AGBL1: variants seen among roughly 807,000 people sequenced by gnomAD.
AGBL1 encodes AGBL carboxypeptidase 1.
Under a neutral mutation model 118.9 loss-of-function variants are expected in AGBL1, and 130 were observed. The ratio of observed to expected loss-of-function variants is 1.09; its 90% CI spans 0.95 to 1.26. The LOEUF (loss-of-function observed/expected upper bound fraction) is 1.26. Ranked by LOEUF, AGBL1 falls within the 50% of genes most tolerant of loss-of-function variation. The probability of loss-of-function intolerance (pLI) is 0.00; values close to 1 mark genes in which losing one functional copy is unlikely to be tolerated. For missense variants in AGBL1, 1,584 were observed against 1,298.1 expected, an observed-to-expected ratio of 1.22 and a Z score of -3.38; for synonymous variants, 555 against 478.9, an observed-to-expected ratio of 1.16 and a Z score of -2.08.
intron 1 of AGBL1, among the ~76,000 whole-genome samples, chr15:86,114,254 G>C (rs1209516090): frequency 6.6e-6 from 1 of 152,246 alleles, no homozygotes; most frequent in African/African-American, 2.4e-5. Flanking sequence ...CTGGCTATTT[G>C]ATAGTGGCTC....
Position 86,163,984 on chromosome 15 carries a change from A to G in AGBL1, c.488+4958A>G, listed in dbSNP as rs1303125257. Among the ~76,000 whole-genome samples, 4 of 152,222 alleles carry G rather than the reference A, an allele frequency of 2.6e-5. No homozygotes were observed. In the East Asian group the frequency reaches 7.7e-4, roughly 29 times the overall value. On this transcript the variant is annotated intron_variant, in intron 5 of 22. Coordinates refer to ENST00000614907, the MANE Select transcript of AGBL1 (RefSeq NM_001386094.1). ...AAGAGCTCTATTGCATGAGGGAATG[A>G]GGTGCCTTCTGGGAGAGAACTCATT...
chr15:86,943,358 T>C (rs1004353614), intron 23 of AGBL1, among the ~76,000 whole-genome samples: 1 of 152,014 alleles, frequency 6.6e-6, no homozygotes, highest in African/African-American at 2.4e-5. Context: ...TGGAAAAAAA[T>C]AAATTCACAA....
chr15:86,482,098 C>T (rs2082659999), intron 18 of AGBL1, among the ~76,000 whole-genome samples: 1 of 152,118 alleles, frequency 6.6e-6, no homozygotes, highest in African/African-American at 2.4e-5. Context: ...GCAATGTGTT[C>T]CTGACTTATA....
chr15:86,702,673 C>A (rs969526292), intron 22 of AGBL1, among the ~76,000 whole-genome samples: 4 of 152,116 alleles, frequency 2.6e-5, no homozygotes, highest in Non-Finnish European at 5.9e-5. Context: ...TTTCTCTCTC[C>A]ACCTTTAAAC....
chr15:86,225,430 G>A (rs947347714), intron 6 of AGBL1, among the ~76,000 whole-genome samples: 2 of 152,112 alleles, frequency 1.3e-5, no homozygotes, highest in African/African-American at 4.8e-5. Flanking sequence ...TATATTCTTG[G>A]GCAGGTGGAG....
At chr15:86,862,888 A>G (rs148160771) in intron 22 of AGBL1, among the ~76,000 whole-genome samples, 10 of 152,344 alleles carry the variant, frequency 6.6e-5, no homozygotes, top group Non-Finnish European at 1.3e-4. Context: ...AAAATGCACT[A>G]TGTAAGGAAA....
At chr15:86,737,369 G>T (rs2077617407) in intron 22 of AGBL1, among the ~76,000 whole-genome samples, 1 of 152,164 alleles carries the variant, frequency 6.6e-6, no homozygotes, top group Admixed American at 6.5e-5. Context: ...CATAACAATG[G>T]TGATTTATTC....
chr15:86,810,060 G>C (rs2078767624), intron 22 of AGBL1, among the ~76,000 whole-genome samples: 3 of 152,142 alleles, frequency 2.0e-5, no homozygotes, highest in Non-Finnish European at 4.4e-5. Flanking sequence ...AACTTAAAGT[G>C]AGAGATTTGG....
chr15:86,240,385 C>G (rs1023238143), intron 6 of AGBL1, among the ~76,000 whole-genome samples: 1 of 152,146 alleles, frequency 6.6e-6, no homozygotes, highest in African/African-American at 2.4e-5. Context: ...GAAAAGACCC[C>G]TAAGATAATC....
At chr15:86,728,084 C>G (rs1210780708) in intron 22 of AGBL1, among the ~76,000 whole-genome samples, 2 of 152,198 alleles carry the variant, frequency 1.3e-5, no homozygotes, top group African/African-American at 2.4e-5. Context: ...GGTCTACATT[C>G]TTGGTTCCCT....
chr15:86,940,930 C>T (rs901896187), intron 23 of AGBL1, among the ~76,000 whole-genome samples: 2 of 152,156 alleles, frequency 1.3e-5, no homozygotes, highest in Admixed American at 6.5e-5. Context: ...AAACCAATGT[C>T]CTCTGCTCAG....
At chr15:86,396,985 G>T (rs1210043066) in intron 17 of AGBL1, among the ~76,000 whole-genome samples, 1 of 152,134 alleles carries the variant, frequency 6.6e-6, no homozygotes, top group East Asian at 1.9e-4. Flanking sequence ...CATTTTTGAT[G>T]ACAGCCTTGA....
At chr15:86,569,505 A>G (rs896841632) in intron 21 of AGBL1, among the ~76,000 whole-genome samples, 6 of 151,426 alleles carry the variant, frequency 4.0e-5, no homozygotes, top group African/African-American at 4.8e-5. Flanking sequence ...GTCATTCCTT[A>G]TTAACTGCAA....
chr15:86,318,615 G>A (rs958350699), intron 17 of AGBL1, among the ~76,000 whole-genome samples: 1 of 150,828 alleles, frequency 6.6e-6, no homozygotes. Flanking sequence ...TGCAGCAATA[G>A]AGAATAGAGA....
chr15:86,377,074 A>C (rs946173771), intron 17 of AGBL1, among the ~76,000 whole-genome samples: 3 of 152,122 alleles, frequency 2.0e-5, no homozygotes, highest in African/African-American at 7.2e-5. Flanking sequence ...TATGCTGGTG[A>C]GGTTTTTCTG....
Position 86,107,341 on chromosome 15 carries a change from TG to T in AGBL1, c.51+27319del, listed in dbSNP as rs1424311131. ...AATTGGCTTTAGCTTTGGAGAGAGC[TG>T]AGTTGCAATCTAGGTTCTACTGCAT... On this transcript the variant is annotated intron_variant, in intron 1 of 22. Coordinates refer to ENST00000614907, the MANE Select transcript of AGBL1 (RefSeq NM_001386094.1). 5.3e-5 allele frequency among the ~76,000 whole-genome samples: 8 copies of T among 152,354 alleles called. No homozygotes were observed. The East Asian group carries it at 1.5e-3, about 29-fold the overall frequency.
chr15:86,659,146 G>T (rs906246667), intron 21 of AGBL1, among the ~76,000 whole-genome samples: 3 of 152,066 alleles, frequency 2.0e-5, no homozygotes, highest in African/African-American at 7.2e-5. Context: ...AAGATTTCTA[G>T]ATTCTTGATC....
chr15:87,017,323 C>T (rs1309316205), intron 24 of AGBL1, among the ~76,000 whole-genome samples: 1 of 152,110 alleles, frequency 6.6e-6, no homozygotes, highest in African/African-American at 2.4e-5. Context: ...ACCATTCTTC[C>T]AGATTGGATG....
chr15:86,811,822 G>A (rs1176263559), intron 22 of AGBL1, among the ~76,000 whole-genome samples: 1 of 152,130 alleles, frequency 6.6e-6, no homozygotes, highest in African/African-American at 2.4e-5. Flanking sequence ...AAATTTGGAA[G>A]GAGTTATAAA....
Sources: allele counts gnomAD v4.1 joint callset (sites outside exome capture counted in the v4.1 genomes callset), GRCh38; gene constraint gnomAD v4.1.1; transcripts MANE v1.5; gene names NCBI Gene and HGNC (gene_info 2026-07-23, HGNC 2026-07-21).